Variants in ANTXRL observed in about 807,000 individuals in gnomAD.
The protein encoded by ANTXRL is anthrax toxin receptor-like.
Under a neutral mutation model 75.4 loss-of-function variants are expected in ANTXRL, and 63 were observed. That is an observed-to-expected ratio of 0.84 (90% CI 0.68 to 1.03). The LOEUF (loss-of-function observed/expected upper bound fraction) is 1.03, where lower values mean the gene tolerates loss of function less well. ANTXRL is among the 50% of genes least tolerant of loss of function. The pLI is 0.00. For missense variants in ANTXRL, 797 were observed against 789.4 expected, an observed-to-expected ratio of 1.01 and a Z score of -0.12; for synonymous variants, 335 against 291.3, an observed-to-expected ratio of 1.15 and a Z score of -1.53.
chr10:46,303,248 G>A (rs1313828535), intron 10 of ANTXRL, among the ~76,000 whole-genome samples: 1 of 152,192 alleles, frequency 6.6e-6, no homozygotes, highest in East Asian at 1.9e-4. Flanking sequence ...AGAGGGGTAT[G>A]TTTACCTTGC....
intron 16 of ANTXRL, among the ~76,000 whole-genome samples, chr10:46,328,660 G>T (rs1554966927): frequency 6.6e-6 from 1 of 151,744 alleles, no homozygotes; most frequent in African/African-American, 2.4e-5. Context: ...GGATACATGT[G>T]CAGGATGTGC....
chr10:46,311,385 T>G, intron 14 of ANTXRL, 125 bp from the exon 15 acceptor site: 1 of 1,336,554 alleles, frequency 7.5e-7, no homozygotes, highest in Non-Finnish European at 9.7e-7. Flanking sequence ...GTTTTTCACA[T>G]GAAGGACCCT....
rs41284473 is a variant in ANTXRL, at chr10:46,293,679, G to C, written c.321-150G>C. 1,243 of 669,336 alleles carry C rather than the reference G, an allele frequency of 1.9e-3. 5 individuals are homozygous for C. The highest frequency in any genetic ancestry group is 2.5e-3 in the Non-Finnish European group (990 of 391,348). 41.5% of individuals were successfully genotyped at this position (669,336 alleles called of 1,614,324 possible). A position where few individuals can be genotyped will look rare whatever the true frequency, so the allele number is the denominator to read the frequency against. ...GGAGCCCTTGTCTCCACAGGCCTCA[G>C]AGTCCTTCACTACATTTATCTCACC... On this transcript the variant is annotated intron_variant, in intron 2 of 16. Coordinates refer to ENST00000620264, the MANE Select transcript of ANTXRL (RefSeq NM_001278688.3).
At chr10:46,300,159 T>C (rs1475857165) in intron 9 of ANTXRL, among the ~76,000 whole-genome samples, 1 of 151,948 alleles carries the variant, frequency 6.6e-6, no homozygotes, top group Non-Finnish European at 1.5e-5. Context: ...CAGCTCGGCC[T>C]TCTGCCTCTG....
intron 11 of ANTXRL, among the ~76,000 whole-genome samples, 167 bp from the exon 12 acceptor site, chr10:46,307,235 G>A (rs1298782137): frequency 2.0e-5 from 3 of 152,096 alleles, no homozygotes; most frequent in African/African-American, 7.2e-5. Flanking sequence ...AATGGCATGA[G>A]ACCCCATGCA....
In ANTXRL at chr10:46,302,744, T is replaced by C; in HGVS notation, c.819T>C (p.His273=). ...CVGEPYHVVI[H]GNGFQNLKKR... is the part of the protein sequence containing the mutation. ...CAGAACCCTACCATGTGGTTATTCA[T>C]GGAAATGGCTTTCAGAATCTAAAGA... The change falls in exon 10 of 17, where the codon CAT becomes CAC. Residue 273 remains histidine, a synonymous_variant. Transcript: ENST00000620264. 1 of 1,536,288 alleles carries C rather than the reference T, an allele frequency of 6.5e-7. No individual in the cohort carries two copies. Among genetic ancestry groups the C allele is most frequent in the Non-Finnish European group, 8.7e-7 (1 of 1,146,666 alleles).
chr10:46,300,745 C>A (rs1158544966), intron 9 of ANTXRL, among the ~76,000 whole-genome samples: 34 of 152,188 alleles, frequency 2.2e-4, no homozygotes, highest in Admixed American at 5.9e-4. Context: ...CTCCCTGCAG[C>A]CCAAGGGCTT....
intron 13 of ANTXRL, among the ~76,000 whole-genome samples, chr10:46,310,196 A>G (rs1159675303): frequency 1.3e-5 from 2 of 152,106 alleles, no homozygotes; most frequent in Admixed American, 1.3e-4. Context: ...GCTGGGCCTC[A>G]CTAGGGACCT....
rs199965221 is a variant in ANTXRL, at chr10:46,329,956, T to G, written c.1768T>G (p.Ser590Ala). The stretch of plus-strand genomic sequence containing the variant: ...GGAGTGCCTCCCCCTCACCTGCTCC[T>G]CCAGGTGCCGCCTCCCCCCAGCTAG... ...SRECLPLTCSSRCRLPPARCL... is the reference protein window; with the variant it reads ...SRECLPLTCSARCRLPPARCL... The change falls in exon 17 of 17, where the codon TCC becomes GCC. Residue 590 changes from serine to alanine, a missense_variant. By Grantham distance (99) the Ser-to-Ala change is moderately conservative. Around this residue, in one of 3 missense-constraint regions of ANTXRL, gnomAD observed 479 missense variants for 422.0 expected, o/e 1.14. Transcript: ENST00000620264. 2.0e-6 allele frequency: 3 copies of G among 1,532,824 alleles called. No individual in the cohort carries two copies. Among genetic ancestry groups the G allele is most frequent in the Non-Finnish European group, 2.6e-6 (3 of 1,145,948 alleles). The allele number at this position is 1,532,824 out of a possible 1,614,324, so 95.0% of individuals were successfully genotyped here.
At chr10:46,327,692 A>C (rs10737108) in intron 16 of ANTXRL, among the ~76,000 whole-genome samples, 37,825 of 151,684 alleles carry the variant, frequency 0.25, 4,995 homozygotes, top group African/African-American at 0.41. Context: ...GGGAGGCTTT[A>C]TGCATGAATG....
intron 1 of ANTXRL, among the ~76,000 whole-genome samples, chr10:46,290,277 C>T (rs1275140811): frequency 6.6e-6 from 1 of 151,386 alleles, no homozygotes; most frequent in Admixed American, 6.6e-5. Context: ...CTCCTGACCT[C>T]GTGATTCCCC....
intron 16 of ANTXRL, among the ~76,000 whole-genome samples, chr10:46,314,253 C>T (rs1231067594): frequency 6.6e-6 from 1 of 152,106 alleles, no homozygotes; most frequent in Non-Finnish European, 1.5e-5. Context: ...CTGCTGGTGT[C>T]AGAGGCATGC....
At chr10:46,324,672 A>T (rs1215166177) in intron 16 of ANTXRL, among the ~76,000 whole-genome samples, 3 of 152,136 alleles carry the variant, frequency 2.0e-5, no homozygotes, top group African/African-American at 7.2e-5. Flanking sequence ...CGCACTTTTA[A>T]TTATTTCTCT....
chr10:46,309,069 A>G (rs1838268142), intron 12 of ANTXRL, 44 bp from the exon 13 acceptor site: 2 of 1,535,070 alleles, frequency 1.3e-6, no homozygotes. Context: ...GGCACGGGGA[A>G]GAGGCCACCG....
chr10:46,308,537 A>G, intron 12 of ANTXRL: 1 of 433,586 alleles, frequency 2.3e-6, no homozygotes, highest in Admixed American at 2.5e-5. Context: ...AGATTCCTTT[A>G]TTGCGAAGAA....
intron 13 of ANTXRL, 93 bp from the exon 14 acceptor site, chr10:46,310,368 G>A: frequency 8.2e-7 from 1 of 1,221,632 alleles, no homozygotes; most frequent in Non-Finnish European, 1.2e-6. Flanking sequence ...CTCTGTCCTG[G>A]TGCTCCAGGC....
chr10:46,291,827 C>T (rs1836998785), intron 1 of ANTXRL, among the ~76,000 whole-genome samples: 1 of 152,148 alleles, frequency 6.6e-6, no homozygotes. Context: ...TCCCAGGAAG[C>T]TCCTCAGTCC....
chr10:46,308,574 AT>A (rs1187333073), intron 12 of ANTXRL: 2 of 400,640 alleles, frequency 5.0e-6, no homozygotes, highest in East Asian at 1.5e-4. Context: ...CCCGTTGCTT[AT>A]ACCCCATGTG....
chr10:46,303,268 G>T (rs1418090304), intron 10 of ANTXRL, among the ~76,000 whole-genome samples: 10 of 152,188 alleles, frequency 6.6e-5, no homozygotes, highest in Admixed American at 6.5e-4. Flanking sequence ...CACTGAGGGA[G>T]GATGCCAGCC....
Sources: gnomAD v4.1 joint callset for allele counts (sites outside exome capture counted in the v4.1 genomes callset) on GRCh38, gnomAD v4.1.1 for gene constraint, gnomAD v4.1.1 regional missense constraint, MANE v1.5 for transcripts, NCBI Gene and HGNC (gene_info 2026-07-23, HGNC 2026-07-21) for gene names.